The following ZNF227 variants were observed in gnomAD, a reference collection of about 807,000 sequenced individuals.
ZNF227 encodes the protein zinc finger protein 227.
A neutral mutation model predicts 13.2 loss-of-function variants in ZNF227; 12 were observed. The ratio of observed to expected loss-of-function variants is 0.91; its 90% CI spans 0.58 to 1.47. ZNF227 has a LOEUF of 1.47. Ranked by LOEUF, ZNF227 falls within the 40% of genes most tolerant of loss-of-function variation. The pLI, the probability that ZNF227 is intolerant of heterozygous loss-of-function variation, is 0.00. For missense variants in ZNF227, 885 were observed against 967.5 expected, an observed-to-expected ratio of 0.91 and a Z score of 1.13; for synonymous variants, 338 against 326.0, an observed-to-expected ratio of 1.04 and a Z score of -0.40.
intron 3 of ZNF227, among the ~76,000 whole-genome samples, chr19:44,220,879 G>A (rs200098106): frequency 1.3e-5 from 2 of 151,162 alleles, no homozygotes; most frequent in East Asian, 2.0e-4. Flanking sequence ...TCATTGTTCA[G>A]TTCCCACCTA....
chr19:44,221,865 A>C (rs1203605175), intron 3 of ZNF227, among the ~76,000 whole-genome samples: 1 of 152,218 alleles, frequency 6.6e-6, no homozygotes, highest in East Asian at 1.9e-4. Context: ...GGTAATGCCT[A>C]GGTTTTCTTC....
In ZNF227 at chr19:44,236,528, A is replaced by C; in HGVS notation, c.2098A>C (p.Ser700Arg). 6 of 1,613,806 alleles carry C rather than the reference A, an allele frequency of 3.7e-6. No individual in the cohort carries two copies. Among genetic ancestry groups the C allele is most frequent in the Non-Finnish European group, 5.1e-6 (6 of 1,179,936 alleles). Residue 700 changes from serine (S) to arginine (R), a missense_variant, in exon 6 of 6, where the codon AGC (serine) becomes CGC (arginine). Physicochemically the swap from Ser to Arg is moderately radical, Grantham distance 110. Coordinates refer to ENST00000313040, the MANE Select transcript of ZNF227 (RefSeq NM_182490.3). The stretch of plus-strand genomic sequence containing the variant: ...AGAGTGTGGGAAAGGCTTTGGTAGG[A>C]GCTTGAATCTTCGCCATCATCAGAG... ...CEECGKGFGR[S>R]LNLRHHQRVH...
chr19:44,229,605 C>T (rs1015108748), intron 4 of ZNF227, 128 bp from the exon 5 acceptor site: 8 of 451,152 alleles, frequency 1.8e-5, no homozygotes, highest in Non-Finnish European at 2.5e-5. Flanking sequence ...GAGTGAGACT[C>T]TGTCTCAAAA....
chr19:44,223,385 A>G, intron 3 of ZNF227, among the ~76,000 whole-genome samples: 1 of 152,084 alleles, frequency 6.6e-6, no homozygotes, highest in African/African-American at 2.4e-5. Context: ...CTGTGAATCC[A>G]TCTGGTCCTG....
chr19:44,232,534 T>C (rs980259776), intron 5 of ZNF227, among the ~76,000 whole-genome samples: 5 of 152,216 alleles, frequency 3.3e-5, no homozygotes, highest in Non-Finnish European at 5.9e-5. Context: ...GGGAGAGATA[T>C]ATAGGGTGAA....
chr19:44,222,415 T>G (rs959612384), intron 3 of ZNF227, among the ~76,000 whole-genome samples: 16 of 151,972 alleles, frequency 1.1e-4, no homozygotes, highest in Non-Finnish European at 1.5e-4. Flanking sequence ...TTCTTCCATT[T>G]GTTTGTATCC....
Position 44,217,872 on chromosome 19 carries a change from C to T in ZNF227, c.60+20C>T. 6.2e-7 allele frequency: 1 copy of T among 1,612,406 alleles called. No individual in the cohort carries two copies. Among genetic ancestry groups the T allele is most frequent in the Non-Finnish European group, 8.5e-7 (1 of 1,178,586 alleles). Reference sequence around the variant, plus strand: ...TTTCAGGTACGTAAAGGATTCCTTGCTGTCTTTTAAAATGTGATTTATTTC... The same window carrying T: ...TTTCAGGTACGTAAAGGATTCCTTGTTGTCTTTTAAAATGTGATTTATTTC... On this transcript the variant is annotated intron_variant, in intron 3 of 5. Coordinates refer to ENST00000313040, the MANE Select transcript of ZNF227 (RefSeq NM_182490.3).
Position 44,236,307 on chromosome 19 carries a change from A to C in ZNF227, c.1877A>C (p.His626Pro). Residue 626 changes from histidine to proline, a missense_variant, in exon 6 of 6, where the codon CAT becomes CCT. Coordinates refer to ENST00000313040, the MANE Select transcript of ZNF227 (RefSeq NM_182490.3). ...AIDFRVHQRVHTGEKPYKCGV... is the reference protein window; with the variant it reads ...AIDFRVHQRVPTGEKPYKCGV... ...GATTTTCGGGTACATCAGAGAGTCC[A>C]TACTGGAGAGAAGCCATACAAATGT... 6.2e-7 allele frequency: 1 copy of C among 1,614,060 alleles called. No homozygotes were observed. The highest frequency in any genetic ancestry group is 8.5e-7 in the Non-Finnish European group (1 of 1,179,980).
At chr19:44,234,097 A>G (rs1306418169) in intron 5 of ZNF227, among the ~76,000 whole-genome samples, 5 of 152,108 alleles carry the variant, frequency 3.3e-5, no homozygotes, top group African/African-American at 1.2e-4. Flanking sequence ...GTTGGCTTTG[A>G]GAGTTTGCAC....
At chr19:44,230,941 A>ATCTATATCTATATCTATATCTATATC (rs1568610023) in intron 5 of ZNF227, among the ~76,000 whole-genome samples, 2 of 136,462 alleles carry the variant, frequency 1.5e-5, no homozygotes, top group African/African-American at 5.9e-5. Context: ...ATATATATAT[A>ATCTATATCTATATCTATATCTATATC]TATATATATA....
At chr19:44,210,180 G>GT (rs1024618927), upstream of ZNF227, among the ~76,000 whole-genome samples, 1 of 152,136 alleles carries the variant, frequency 6.6e-6, no homozygotes, top group Admixed American at 6.5e-5. Flanking sequence ...TAGTCTTCTA[G>GT]TTTTTTTCCC....
intron 4 of ZNF227, chr19:44,228,997 C>T (rs1433398015): frequency 4.9e-6 from 1 of 204,884 alleles, no homozygotes; most frequent in Non-Finnish European, 9.6e-6. Context: ...GACACATTAG[C>T]TTCTATGCTT....
intron 2 of ZNF227, chr19:44,213,676 G>A (rs1191994776): frequency 1.3e-5 from 2 of 152,060 alleles, no homozygotes; most frequent in African/African-American, 4.8e-5. Context: ...TAATCTCAAT[G>A]ATACAGTCGT....
At chr19:44,225,837 G>A (rs1332876108) in intron 3 of ZNF227, among the ~76,000 whole-genome samples, 28 of 152,130 alleles carry the variant, frequency 1.8e-4, no homozygotes, top group South Asian at 6.2e-4. Flanking sequence ...GAGGAGAGGC[G>A]CTCTGCTTTT....
intron 2 of ZNF227, 121 bp from the exon 3 acceptor site, chr19:44,217,670 T>C: frequency 1.9e-6 from 2 of 1,058,746 alleles, no homozygotes; most frequent in Non-Finnish European, 3.0e-6. Context: ...GTCCATGTTC[T>C]GCTTACCAAG....
In ZNF227 at chr19:44,219,911, C is replaced by A. The variant is rs908933883; in HGVS notation, c.60+2059C>A. On this transcript the variant is annotated intron_variant, in intron 3 of 5. Transcript: ENST00000313040. ...CGTCATTTAGCATTAGGTATATCTC[C>A]TAATGCTATCCCTCCCCACTCCCCC... 7.9e-5 allele frequency among the ~76,000 whole-genome samples: 12 copies of A among 152,060 alleles called. No individual in the cohort carries two copies. In the East Asian group the frequency reaches 2.1e-3, roughly 27 times the overall value.
chr19:44,220,731 A>G (rs1157545088), intron 3 of ZNF227, among the ~76,000 whole-genome samples: 3 of 152,128 alleles, frequency 2.0e-5, no homozygotes, highest in Admixed American at 2.0e-4. Flanking sequence ...ATATGTATAC[A>G]TGTGCCATGC....
intron 3 of ZNF227, chr19:44,227,102 C>T (rs765693346): frequency 2.0e-5 from 3 of 152,072 alleles, no homozygotes; most frequent in Non-Finnish European, 4.4e-5. Context: ...TATGTAGTCA[C>T]AAAATAGGAC....
In ZNF227 at chr19:44,218,245, A is replaced by G. The variant is rs536102532; in HGVS notation, c.60+393A>G. ...CATTGAATTGCAGTGCCCTTAAAAG[A>G]CAACAAAAACTATTTCTTATTTAGC... is the stretch of plus-strand genomic sequence containing the variant. On this transcript the variant is annotated intron_variant, in intron 3 of 5. Transcript: ENST00000313040. 4.6e-5 allele frequency among the ~76,000 whole-genome samples: 7 copies of G among 152,344 alleles called. No homozygotes were observed. The South Asian group carries it at 1.2e-3, about 27-fold the overall frequency.
Sources: gnomAD v4.1 joint callset for allele counts (sites outside exome capture counted in the v4.1 genomes callset) on GRCh38, gnomAD v4.1.1 for gene constraint, MANE v1.5 for transcripts, NCBI Gene and HGNC (gene_info 2026-07-23, HGNC 2026-07-21) for gene names.